PTPRT: variants seen among roughly 807,000 people sequenced by gnomAD.
The protein encoded by PTPRT is protein tyrosine phosphatase receptor type T.
Under a neutral mutation model 176.8 loss-of-function variants are expected in PTPRT, and 56 were observed. The observed-to-expected ratio is 0.32, with a 90% CI of 0.26 to 0.40. The LOEUF (loss-of-function observed/expected upper bound fraction) is 0.40. Among genes scored for constraint, PTPRT ranks in the 10% least tolerant of loss-of-function variants. The pLI, the probability that PTPRT is intolerant of heterozygous loss-of-function variation, is 1.00. For missense variants in PTPRT, 1,540 were observed against 1,908.2 expected (o/e 0.81, Z 3.60); for synonymous variants, 783 against 739.0 (o/e 1.06, Z -0.96).
chr20:42,850,822 G>A (rs1214894567), intron 2 of PTPRT, among the ~76,000 whole-genome samples: 1 of 152,142 alleles, frequency 6.6e-6, no homozygotes, highest in Non-Finnish European at 1.5e-5. Flanking sequence ...AGTGATTTGA[G>A]ATCAGGTGTC....
At chr20:43,048,389 A>G (rs1986917224) in intron 1 of PTPRT, among the ~76,000 whole-genome samples, 1 of 152,148 alleles carries the variant, frequency 6.6e-6, no homozygotes, top group Admixed American at 6.5e-5. Context: ...TATGGGTCCT[A>G]GGGAGCCAGG....
intron 19 of PTPRT, among the ~76,000 whole-genome samples, chr20:42,125,131 C>G (rs2146348453): frequency 6.6e-6 from 1 of 152,212 alleles, no homozygotes; most frequent in African/African-American, 2.4e-5. Context: ...GTAAGGACTC[C>G]CTACTATTGT....
chr20:42,556,832 A>T (rs2072869620), intron 7 of PTPRT, among the ~76,000 whole-genome samples: 1 of 152,184 alleles, frequency 6.6e-6, no homozygotes, highest in Non-Finnish European at 1.5e-5. Context: ...ACTGAGTGAC[A>T]TTGCTGGTGC....
the PTPRT span, among the ~76,000 whole-genome samples, chr20:42,048,301 C>T: frequency 3.3e-5 from 5 of 152,204 alleles, no homozygotes; most frequent in African/African-American, 1.2e-4. Flanking sequence ...TGTTTTAAAA[C>T]ATGCCTGCAT....
At chr20:43,014,114 T>C (rs1985263239) in intron 1 of PTPRT, among the ~76,000 whole-genome samples, 1 of 152,146 alleles carries the variant, frequency 6.6e-6, no homozygotes, top group African/African-American at 2.4e-5. Flanking sequence ...TAGTGCCATA[T>C]TGAATCATGG....
At chr20:42,613,351 G>T (rs1010999890) in intron 7 of PTPRT, among the ~76,000 whole-genome samples, 1 of 152,194 alleles carries the variant, frequency 6.6e-6, no homozygotes, top group Non-Finnish European at 1.5e-5. Context: ...GCTGTCTTTT[G>T]AAGCTAATGA....
intron 23 of PTPRT, among the ~76,000 whole-genome samples, chr20:42,108,129 G>GAAC (rs111464489): frequency 0.039 from 5,988 of 152,152 alleles, 172 homozygotes; most frequent in Middle Eastern, 0.066. Context: ...CCAAATTTTG[G>GAAC]AACAACTATC....
At chr20:42,182,917 TGTGTGTGTGTGTGTGTGTGTGTG>T (rs1264185263) in intron 16 of PTPRT, among the ~76,000 whole-genome samples, 4 of 96,788 alleles carry the variant, frequency 4.1e-5, no homozygotes, top group African/African-American at 1.8e-4. Flanking sequence ...GGTGTGTGTG[TGTGTGTGTGTGTGTGTGTGTGTG>T]TGTGTAATCA....
intron 1 of PTPRT, among the ~76,000 whole-genome samples, chr20:43,089,815 G>A (rs1322834425): frequency 6.6e-6 from 1 of 152,202 alleles, no homozygotes; most frequent in African/African-American, 2.4e-5. Flanking sequence ...CCCAAGAGCA[G>A]CAAATGAATT....
At chr20:43,059,007 C>G (rs1029173805) in intron 1 of PTPRT, among the ~76,000 whole-genome samples, 2 of 152,160 alleles carry the variant, frequency 1.3e-5, no homozygotes, top group Non-Finnish European at 2.9e-5. Flanking sequence ...TAGGGCATGT[C>G]AAGGTCCTGC....
intron 14 of PTPRT, among the ~76,000 whole-genome samples, chr20:42,243,590 C>T (rs1190190485): frequency 1.3e-5 from 2 of 152,076 alleles, no homozygotes; most frequent in East Asian, 3.9e-4. Context: ...ACAGCATGCT[C>T]AAAAGAAGAA....
intron 13 of PTPRT, among the ~76,000 whole-genome samples, chr20:42,277,047 G>T (rs569319327): frequency 6.6e-6 from 1 of 152,236 alleles, no homozygotes; most frequent in African/African-American, 2.4e-5. Flanking sequence ...ATTTACAAAA[G>T]CCAGCGCCCA....
chr20:43,033,347 C>T (rs886342013), intron 1 of PTPRT, among the ~76,000 whole-genome samples: 3 of 152,164 alleles, frequency 2.0e-5, no homozygotes, highest in African/African-American at 7.2e-5. Context: ...GTTGCACCTG[C>T]CCACCTCCTG....
chr20:42,508,611 A>G (rs1333077670), intron 7 of PTPRT, among the ~76,000 whole-genome samples: 1 of 152,114 alleles, frequency 6.6e-6, no homozygotes, highest in Non-Finnish European at 1.5e-5. Context: ...AACCTTACCA[A>G]GACAGGTATT....
intron 9 of PTPRT, among the ~76,000 whole-genome samples, chr20:42,353,954 T>C (rs1449746512): frequency 6.6e-6 from 1 of 152,004 alleles, no homozygotes; most frequent in Non-Finnish European, 1.5e-5. Context: ...ATTCAGGGGC[T>C]GAGGTGGGAA....
At chr20:42,381,680 G>A (rs1412325699) in intron 9 of PTPRT, among the ~76,000 whole-genome samples, 1 of 151,994 alleles carries the variant, frequency 6.6e-6, no homozygotes, top group Non-Finnish European at 1.5e-5. Flanking sequence ...AGGAGGGAGG[G>A]AAAATGGGGG....
chr20:42,626,788 C>T (rs1262460875), intron 7 of PTPRT, among the ~76,000 whole-genome samples: 1 of 152,168 alleles, frequency 6.6e-6, no homozygotes, highest in Admixed American at 6.5e-5. Flanking sequence ...GGAGGCCTTC[C>T]TAAGGCCCGA....
chr20:42,641,034 T>A (rs2074735285), intron 7 of PTPRT, among the ~76,000 whole-genome samples: 1 of 152,166 alleles, frequency 6.6e-6, no homozygotes, highest in African/African-American at 2.4e-5. Context: ...AATTGCTGCA[T>A]AATATTCCAC....
intron 6 of PTPRT, among the ~76,000 whole-genome samples, chr20:42,744,381 TCAAAAA>T (rs1224054652): frequency 1.3e-5 from 2 of 152,172 alleles, no homozygotes; most frequent in South Asian, 4.1e-4. Flanking sequence ...AAAAAAATCT[TCAAAAA>T]CAATCAATAC....
Sources: gnomAD v4.1 joint callset for allele counts (sites outside exome capture counted in the v4.1 genomes callset) on GRCh38, gnomAD v4.1.1 for gene constraint, MANE v1.5 for transcripts, NCBI Gene and HGNC (gene_info 2026-07-23, HGNC 2026-07-21) for gene names.